The following BCL9 variants were observed in gnomAD, a reference collection of about 807,000 sequenced individuals.
The protein encoded by BCL9 is BCL9 transcription coactivator, also known as B-cell CLL/lymphoma 9 protein.
In BCL9, 25 loss-of-function variants were observed where a neutral mutation model predicts 88.5. The observed-to-expected ratio is 0.28, with a 90% CI of 0.21 to 0.39. The LOEUF (loss-of-function observed/expected upper bound fraction) is 0.39. Ranked by LOEUF, BCL9 falls within the 10% of genes least tolerant of loss-of-function variation. BCL9 has a pLI of 1.00. For missense variants in BCL9, 1,817 were observed against 1,877.8 expected (o/e 0.97, Z 0.60); for synonymous variants, 711 against 673.3 (o/e 1.06, Z -0.87).
chr1:147,573,060 C>T (rs1349099482), intron 1 of BCL9, among the ~76,000 whole-genome samples: 3 of 152,198 alleles, frequency 2.0e-5, no homozygotes, highest in African/African-American at 7.2e-5. Context: ...TTAGCCTTGT[C>T]AGGGTGTTTT....
chr1:147,598,774 A>G (rs1048804458), intron 1 of BCL9, among the ~76,000 whole-genome samples: 8 of 152,176 alleles, frequency 5.3e-5, no homozygotes, highest in Admixed American at 6.5e-5. Flanking sequence ...TTAGATCAAG[A>G]CCCCACAAGG....
intron 1 of BCL9, among the ~76,000 whole-genome samples, chr1:147,603,977 A>G (rs1249087807): frequency 1.3e-5 from 2 of 152,268 alleles, no homozygotes; most frequent in African/African-American, 2.4e-5. Flanking sequence ...ATGTTTCTTT[A>G]TAACACATTA....
In BCL9 at chr1:147,613,112, G is replaced by A. The variant is rs782320593; in HGVS notation, c.283G>A (p.Gly95Ser). Residue 95 changes from glycine (G) to serine (S), a missense_variant, in exon 5 of 10, where the codon GGC (glycine) becomes AGC (serine). Around this residue, in one of 2 missense-constraint regions of BCL9, gnomAD observed 1,228 missense variants for 1,191.6 expected, o/e 1.03. Transcript: ENST00000234739. ...GAATGGGGCTGGAAATGGTGCCAAG[G>A]GCAAGGGGAAAAGGGAGCGAAGTAT... is the stretch of plus-strand genomic sequence containing the variant. Reference protein sequence around the residue: ...LKNGAGNGAKGKGKRERSISA... With the variant: ...LKNGAGNGAKSKGKRERSISA... 1 of 1,614,184 alleles carries A rather than the reference G, an allele frequency of 6.2e-7. No homozygotes were observed.
intron 1 of BCL9, among the ~76,000 whole-genome samples, chr1:147,590,254 T>A (rs1464542514): frequency 1.3e-5 from 2 of 152,190 alleles, no homozygotes; most frequent in Admixed American, 6.5e-5. Flanking sequence ...ACACTGCCCC[T>A]GCTTTCCACC....
Position 147,624,978 on chromosome 1 carries a change from G to T in BCL9, c.*19G>T. 6.3e-7 allele frequency: 1 copy of T among 1,590,306 alleles called. No individual in the cohort carries two copies. The highest frequency in any genetic ancestry group is 1.1e-5 in the South Asian group (1 of 89,450). On this transcript the variant is annotated 3_prime_UTR_variant, in exon 10 of 10. Transcript: ENST00000234739. This position sits in a 1 kb window ranked among gnomAD's most constrained non-coding sequence, Gnocchi z 4.4. ...GTTTTAAGCTGCTAAGATGGGATGT[G>T]CCGATCCTTGTCAAGATGAGATTCC...
At chr1:147,599,495 C>CG (rs1553200865) in intron 1 of BCL9, among the ~76,000 whole-genome samples, 2 of 127,238 alleles carry the variant, frequency 1.6e-5, no homozygotes, top group Admixed American at 7.8e-5. Flanking sequence ...TGGCCCCCCG[C>CG]CCCCCTCGGT....
chr1:147,587,825 C>T (rs1656686037), intron 1 of BCL9, among the ~76,000 whole-genome samples: 1 of 151,514 alleles, frequency 6.6e-6, no homozygotes, highest in Admixed American at 6.6e-5. Context: ...GGAAGAGTTC[C>T]TCCAGCCCAG....
intron 7 of BCL9, among the ~76,000 whole-genome samples, chr1:147,618,422 G>C (rs1658409356): frequency 6.6e-6 from 1 of 152,130 alleles, no homozygotes; most frequent in Non-Finnish European, 1.5e-5. Flanking sequence ...TCAGGGAAAA[G>C]AAAAAGGTGT....
intron 3 of BCL9, among the ~76,000 whole-genome samples, chr1:147,610,111 T>C (rs1657921972): frequency 6.6e-6 from 1 of 151,536 alleles, no homozygotes; most frequent in Non-Finnish European, 1.5e-5. Context: ...CATTGAGAGG[T>C]TACAAAATGG....
At chr1:147,607,184 G>A (rs782230882) in intron 3 of BCL9, among the ~76,000 whole-genome samples, 3 of 152,078 alleles carry the variant, frequency 2.0e-5, no homozygotes, top group Non-Finnish European at 2.9e-5. Context: ...TTTAAAGGCC[G>A]AATAGTATTG....
intron 1 of BCL9, among the ~76,000 whole-genome samples, chr1:147,569,234 C>T (rs920215281): frequency 2.0e-5 from 3 of 151,712 alleles, no homozygotes; most frequent in African/African-American, 7.3e-5. Context: ...AACTAAAAGC[C>T]TTTTTAATAA....
intron 1 of BCL9, among the ~76,000 whole-genome samples, chr1:147,578,864 T>TG (rs1656226441): frequency 3.1e-3 from 1 of 320 alleles, no homozygotes; most frequent in East Asian, 0.05. Flanking sequence ...TGGTTTTCTT[T>TG]CTTTTTTTTT....
chr1:147,568,045 C>G (rs760397868), intron 1 of BCL9, among the ~76,000 whole-genome samples: 70 of 152,232 alleles, frequency 4.6e-4, no homozygotes, highest in Non-Finnish European at 9.0e-4. Context: ...ATGCTAACTC[C>G]TTTCTTATGG....
intron 1 of BCL9, among the ~76,000 whole-genome samples, chr1:147,571,323 T>G (rs1413721479): frequency 2.0e-5 from 3 of 152,164 alleles, no homozygotes; most frequent in African/African-American, 7.2e-5. Context: ...CCTTCCTTCC[T>G]TCTTGAGCCT....
chr1:147,604,139 A>G lies in BCL9; in HGVS notation c.-477-638A>G, dbSNP rs587677915. 2.0e-5 allele frequency among the ~76,000 whole-genome samples: 3 copies of G among 152,246 alleles called. No homozygotes were observed. In the South Asian group the frequency reaches 6.2e-4, roughly 32 times the overall value. On this transcript the variant is annotated intron_variant, in intron 1 of 9. Coordinates refer to ENST00000234739, the MANE Select transcript of BCL9 (RefSeq NM_004326.4). ...CACAGAATTGCTAATAATACCAGGG[A>G]TGGTTACTTCCATTCGCCATTGAAG...
intron 1 of BCL9, among the ~76,000 whole-genome samples, chr1:147,571,660 G>A (rs1299757124): frequency 2.0e-5 from 3 of 152,126 alleles, no homozygotes; most frequent in African/African-American, 7.2e-5. Context: ...CAGGGTGATG[G>A]AAATCAGAGA....
intron 1 of BCL9, among the ~76,000 whole-genome samples, chr1:147,581,106 A>G (rs1366875764): frequency 3.9e-5 from 6 of 152,080 alleles, no homozygotes; most frequent in Non-Finnish European, 4.4e-5. Context: ...CTAATTACCA[A>G]TGTGACCCTG....
intron 1 of BCL9, among the ~76,000 whole-genome samples, chr1:147,563,159 TCTCTTA>T (rs1655460638): frequency 6.6e-6 from 1 of 152,180 alleles, no homozygotes; most frequent in Non-Finnish European, 1.5e-5. Context: ...ACCAATCAAT[TCTCTTA>T]CTCTTCACTC....
chr1:147,555,171 C>T (rs896252347), intron 1 of BCL9, among the ~76,000 whole-genome samples: 5 of 152,108 alleles, frequency 3.3e-5, no homozygotes, highest in Admixed American at 6.5e-5. Context: ...ACATAGAAGA[C>T]TTGTTTAAGA....
Sources: allele counts gnomAD v4.1 joint callset (sites outside exome capture counted in the v4.1 genomes callset), GRCh38; gene constraint gnomAD v4.1.1; regional missense constraint gnomAD v4.1.1; non-coding constraint Gnocchi (gnomAD v3.1); transcripts MANE v1.5; gene names NCBI Gene and HGNC (gene_info 2026-07-23, HGNC 2026-07-21).